ADGRV1: variants seen among roughly 807,000 people sequenced by gnomAD.
ADGRV1 encodes G-protein coupled receptor 98.
ADGRV1 carries 359 observed loss-of-function variants against 596.2 expected under a neutral mutation model. The observed-to-expected ratio is 0.60, with a 90% CI of 0.55 to 0.66. ADGRV1 has a LOEUF of 0.66. ADGRV1 is among the 30% of genes least tolerant of loss of function. ADGRV1 has a pLI of 0.00. For missense variants in ADGRV1, 7,274 were observed against 7,575.6 expected (o/e 0.96, Z 1.48); for synonymous variants, 2,681 against 2,679.2 (o/e 1.00, Z -0.02).
intron 1 of ADGRV1, among the ~76,000 whole-genome samples, chr5:90,560,508 C>T (rs935258988): frequency 3.3e-5 from 5 of 152,056 alleles, no homozygotes; most frequent in African/African-American, 1.2e-4. Context: ...GCTCCTTGCC[C>T]AGAGTTCCAG....
intron 87 of ADGRV1, among the ~76,000 whole-genome samples, chr5:91,122,336 C>G (rs1458838658): frequency 6.6e-6 from 1 of 152,166 alleles, no homozygotes; most frequent in East Asian, 1.9e-4. Context: ...GAATACATTT[C>G]ACAGTGGCAT....
At chr5:90,956,215 C>T (rs2150927843) in intron 83 of ADGRV1, among the ~76,000 whole-genome samples, 1 of 152,202 alleles carries the variant, frequency 6.6e-6, no homozygotes, top group Non-Finnish European at 1.5e-5. Context: ...AATAAGTTTA[C>T]TGTACAATTT....
chr5:91,146,934 G>C (rs2126875126), intron 87 of ADGRV1, among the ~76,000 whole-genome samples: 1 of 152,178 alleles, frequency 6.6e-6, no homozygotes, highest in East Asian at 1.9e-4. Flanking sequence ...GGCCAAGGTG[G>C]GCATATCTCT....
intron 1 of ADGRV1, among the ~76,000 whole-genome samples, chr5:90,569,381 ATATATATTTTTTTTTTTTT>A (rs1301444966): frequency 1.5e-4 from 3 of 19,424 alleles, no homozygotes; most frequent in Admixed American, 2.0e-3. Flanking sequence ...ATATATATAT[ATATATATTTTTTTTTTTTT>A]TTTTTTTTTT....
At position 90,689,902 on chromosome 5, in the gene ADGRV1, G is replaced by A; in HGVS notation, c.6532G>A (p.Glu2178Lys). 6.2e-7 allele frequency: 1 copy of A among 1,613,314 alleles called. No individual in the cohort carries two copies. The highest frequency in any genetic ancestry group is 1.1e-5 in the South Asian group (1 of 90,998). Residue 2178 changes from glutamate to lysine, a missense_variant, in exon 30 of 90, where the codon GAA (glutamate) becomes AAA (lysine). Glu to Lys is a moderately conservative substitution (Grantham distance 56). This residue lies in a region of ADGRV1 where 3,643 missense variants were observed against 3,809.2 expected (regional missense o/e 0.96). Coordinates refer to ENST00000405460, the MANE Select transcript of ADGRV1 (RefSeq NM_032119.4). Reference sequence around the variant, plus strand: ...AGCTTCATCAGATGTGGTCTTGCTAGAAGGGGAAACCAGTAAAGCCGTGCC... The same window carrying A: ...AGCTTCATCAGATGTGGTCTTGCTAAAAGGGGAAACCAGTAAAGCCGTGCC... ...SIASSDVVLL[E>K]GETSKAVPIY...
At chr5:90,824,640 G>A (rs1763914725) in intron 76 of ADGRV1, among the ~76,000 whole-genome samples, 1 of 152,162 alleles carries the variant, frequency 6.6e-6, no homozygotes, top group Non-Finnish European at 1.5e-5. Flanking sequence ...CAAGACATTT[G>A]ATCATATAGT....
intron 85 of ADGRV1, among the ~76,000 whole-genome samples, chr5:91,000,729 G>A (rs146934763): frequency 5.0e-4 from 74 of 146,722 alleles, no homozygotes; most frequent in African/African-American, 1.8e-3. Context: ...TTTATTATAA[G>A]GAATGGCTCA....
At chr5:91,140,353 A>T (rs993432826) in intron 87 of ADGRV1, among the ~76,000 whole-genome samples, 1 of 152,188 alleles carries the variant, frequency 6.6e-6, no homozygotes, top group African/African-American at 2.4e-5. Context: ...AATGAGAAAG[A>T]TATCTGAATG....
Position 90,657,943 on chromosome 5 carries a change from A to G in ADGRV1, c.4417A>G (p.Asn1473Asp), listed in dbSNP as rs751911567. 6 of 1,613,238 alleles carry G rather than the reference A, an allele frequency of 3.7e-6. No homozygotes were observed. The South Asian group carries it at 6.6e-5, about 18-fold the overall frequency. Reference protein sequence around the residue: ...ILRIGAGINGNDRFTGLMQDV... With the variant: ...ILRIGAGINGDDRFTGLMQDV... ...GAGAATTGGAGCAGGGATAAATGGCAATGACAGATTTACAGGTCTGATGCA... is the reference window on the plus strand; with the variant it reads ...GAGAATTGGAGCAGGGATAAATGGCGATGACAGATTTACAGGTCTGATGCA... The change falls in exon 21 of 90, where the codon AAT becomes GAT. Residue 1473 changes from asparagine (N) to aspartate (D), a missense_variant. Asn to Asp is a conservative substitution (Grantham distance 23, BLOSUM62 1). Transcript: ENST00000405460.
chr5:90,657,449 T>C (rs1769572913), intron 20 of ADGRV1, among the ~76,000 whole-genome samples: 1 of 151,858 alleles, frequency 6.6e-6, no homozygotes, highest in Non-Finnish European at 1.5e-5. Flanking sequence ...CTAAAGTACA[T>C]AAATAAATAA....
chr5:90,673,172 T>G (rs1345806172), intron 22 of ADGRV1, among the ~76,000 whole-genome samples: 1 of 152,218 alleles, frequency 6.6e-6, no homozygotes, highest in Non-Finnish European at 1.5e-5. Context: ...TAATTGCTTG[T>G]GCTGGACTCC....
chr5:91,039,281 C>G (rs1785150001), intron 85 of ADGRV1, among the ~76,000 whole-genome samples: 1 of 152,184 alleles, frequency 6.6e-6, no homozygotes, highest in South Asian at 2.1e-4. Flanking sequence ...TTGTCCTGCT[C>G]CATGACTTCC....
intron 83 of ADGRV1, among the ~76,000 whole-genome samples, chr5:90,928,370 A>C (rs1189661793): frequency 1.3e-5 from 2 of 151,014 alleles, no homozygotes; most frequent in Admixed American, 6.6e-5. Context: ...TTCTCACTTC[A>C]TTTCATTCAT....
intron 83 of ADGRV1, among the ~76,000 whole-genome samples, chr5:90,878,125 A>T (rs1769393377): frequency 6.6e-6 from 1 of 152,214 alleles, no homozygotes; most frequent in Non-Finnish European, 1.5e-5. Flanking sequence ...TGGGAAAAAC[A>T]ATATAAGCAA....
intron 75 of ADGRV1, among the ~76,000 whole-genome samples, chr5:90,823,166 G>A (rs1763746820): frequency 6.6e-6 from 1 of 152,148 alleles, no homozygotes; most frequent in Admixed American, 6.5e-5. Flanking sequence ...CTTATACAGA[G>A]TATTAGGATA....
At chr5:90,816,829 G>A (rs1335162608) in intron 75 of ADGRV1, among the ~76,000 whole-genome samples, 1 of 151,836 alleles carries the variant, frequency 6.6e-6, no homozygotes, top group Non-Finnish European at 1.5e-5. Context: ...CATTTGGGTT[G>A]GTTCCAAGTC....
chr5:91,150,338 A>G lies in ADGRV1; in HGVS notation c.18624+117A>G, dbSNP rs144890301. The G allele has an allele frequency of 1.6e-3, 1,206 of 750,606 alleles. 1 individual carries two copies. The highest frequency in any genetic ancestry group is 2.5e-3 in the Admixed American group (72 of 28,776). 46.5% of individuals were successfully genotyped at this position (750,606 alleles called of 1,614,324 possible). A position where few individuals can be genotyped will look rare whatever the true frequency, so the allele number is the denominator to read the frequency against. On this transcript the variant is annotated intron_variant, in intron 88 of 89. Coordinates refer to ENST00000405460, the MANE Select transcript of ADGRV1 (RefSeq NM_032119.4). ...TTGACAGGCTCTCCACCTCATAAAG[A>G]GTACAAGATGAATCACACTAGGTGA...
rs144739107 is a variant in ADGRV1, at chr5:90,646,979, G to A, written c.3023-519G>A. ...AGTAGAGACGGGTTTTCACTATGTT[G>A]GCCAGGATGGTCTTGATCTCTTGAC... On this transcript the variant is annotated intron_variant, in intron 16 of 89. Coordinates refer to ENST00000405460, the MANE Select transcript of ADGRV1 (RefSeq NM_032119.4). 4.7e-3 allele frequency among the ~76,000 whole-genome samples: 708 copies of A among 151,920 alleles called. 22 individuals carry two copies. Among genetic ancestry groups the A allele is most frequent in the Admixed American group, 0.039 (600 of 15,254 alleles).
chr5:90,742,719 T>C (rs1012706062), intron 50 of ADGRV1, among the ~76,000 whole-genome samples: 1 of 152,150 alleles, frequency 6.6e-6, no homozygotes, highest in African/African-American at 2.4e-5. Flanking sequence ...AGGCGCATTC[T>C]TTAGAGATGT....
Sources: gnomAD v4.1 joint callset for allele counts (sites outside exome capture counted in the v4.1 genomes callset) on GRCh38, gnomAD v4.1.1 for gene constraint, gnomAD v4.1.1 regional missense constraint, MANE v1.5 for transcripts, NCBI Gene and HGNC (gene_info 2026-07-23, HGNC 2026-07-21) for gene names.